ZBTB47: variants seen among roughly 807,000 people sequenced by gnomAD.
The protein encoded by ZBTB47 is zinc finger and BTB domain-containing protein 47.
ZBTB47 carries 24 observed loss-of-function variants against 56.6 expected under a neutral mutation model. That is an observed-to-expected ratio of 0.42 (90% CI 0.31 to 0.60). The LOEUF is 0.60. ZBTB47 is among the 20% of genes least tolerant of loss of function. ZBTB47 has a pLI of 0.14. For missense variants in ZBTB47, 829 were observed against 1,032.6 expected (o/e 0.80, Z 2.70); for synonymous variants, 414 against 418.9 (o/e 0.99, Z 0.14).
Position 42,663,653 on chromosome 3 carries a change from GCTTGCCCTCATGTCCCCATCTC to G in ZBTB47, c.1738-136_1738-115del, listed in dbSNP as rs1710748253. 9.5e-7 allele frequency: 1 copy of G among 1,050,678 alleles called. No individual in the cohort carries two copies. Among genetic ancestry groups the G allele is most frequent in the African/African-American group, 1.6e-5 (1 of 62,370 alleles). The allele number at this position is 1,050,678 out of a possible 1,614,324, so 65.1% of individuals were successfully genotyped here. On this transcript the variant is annotated intron_variant, in intron 4 of 5. Transcript: ENST00000232974. This position sits in a 1 kb window ranked among gnomAD's most constrained non-coding sequence, Gnocchi z 5.1. ...GTACTGCCCACCCAGATGCACCTCG[GCTTGCCCTCATGTCCCCATCTC>G]CTTGCCCAGGAGCCCCTGAGTGTGT... is the stretch of plus-strand genomic sequence containing the variant.
At position 42,665,508 on chromosome 3, in the gene ZBTB47, G is replaced by A. The variant is rs567366002; in HGVS notation, c.*910G>A. The stretch of plus-strand genomic sequence containing the variant: ...TCAAGGTGCTATTAGTGGGGCAGGG[G>A]CAGGGCGGCTGCTCACAGAGCACCC... On this transcript the variant is annotated 3_prime_UTR_variant, in exon 6 of 6. Transcript: ENST00000232974. 2.0e-5 allele frequency: 3 copies of A among 152,834 alleles called. No homozygotes were observed. Among genetic ancestry groups the A allele is most frequent in the African/African-American group, 4.8e-5 (2 of 41,430 alleles). The allele number at this position is 152,834 out of a possible 1,614,324, so 9.5% of individuals were successfully genotyped here.
Position 42,664,350 on chromosome 3 carries a change from G to A in ZBTB47, c.1996G>A (p.Gly666Ser), listed in dbSNP as rs1442057181. Reference protein sequence around the residue: ...GEKPYPCDVCGQRFRFSNMLK... With the variant: ...GEKPYPCDVCSQRFRFSNMLK... ...GAAGCCGTACCCGTGCGACGTGTGT[G>A]GCCAGCGCTTCCGCTTCTCCAACAT... The change falls in exon 6 of 6, where the codon GGC becomes AGC. Residue 666 changes from glycine (G) to serine (S), a missense_variant. Physicochemically the swap from Gly to Ser is moderately conservative, Grantham distance 56 (BLOSUM62 0). Transcript: ENST00000232974. The A allele has an allele frequency of 6.8e-6, 11 of 1,612,418 alleles. No individual in the cohort carries two copies. Among genetic ancestry groups the A allele is most frequent in the Non-Finnish European group, 9.3e-6 (11 of 1,179,450 alleles).
At chr3:42,655,357 G>A (rs1710628864) in intron 1 of ZBTB47, among the ~76,000 whole-genome samples, 1 of 152,144 alleles carries the variant, frequency 6.6e-6, no homozygotes, top group African/African-American at 2.4e-5. Context: ...GTTTCATCAT[G>A]GGGCCTTCCA....
At chr3:42,660,588 C>T (rs1335401838) in intron 2 of ZBTB47, among the ~76,000 whole-genome samples, 2 of 152,176 alleles carry the variant, frequency 1.3e-5, no homozygotes, top group Non-Finnish European at 2.9e-5. Flanking sequence ...GGGTGGTTTT[C>T]ACCTCTTCTG....
Position 42,665,419 on chromosome 3 carries a change from G to A in ZBTB47, c.*821G>A, listed in dbSNP as rs555708472. 6.5e-6 allele frequency: 1 copy of A among 152,906 alleles called. No homozygotes were observed. Among genetic ancestry groups the A allele is most frequent in the Admixed American group, 6.5e-5 (1 of 15,292 alleles). The allele number at this position is 152,906 out of a possible 1,614,324, so 9.5% of individuals were successfully genotyped here. On this transcript the variant is annotated 3_prime_UTR_variant, in exon 6 of 6. Coordinates refer to ENST00000232974, the MANE Select transcript of ZBTB47 (RefSeq NM_145166.4). ...CAGACCCTCCTTGGGCAGACAGGCT[G>A]ACTGGCAGCACCAGCTTTGGGGGCA...
chr3:42,667,354 C>T lies in ZBTB47; in HGVS notation c.*2756C>T, dbSNP rs541918442. On this transcript the variant is annotated 3_prime_UTR_variant, in exon 6 of 6. Transcript: ENST00000232974. ...CGATGGGTGGCTAGAGTGATGAACT[C>T]AAGCCCTGTGGCCACAGTTCTGGGA... 3.8e-4 allele frequency among the ~76,000 whole-genome samples: 58 copies of T among 152,354 alleles called. No individual in the cohort carries two copies. Among genetic ancestry groups the T allele is most frequent in the South Asian group, 3.3e-3 (16 of 4,828 alleles).
chr3:42,654,795 AT>A lies in ZBTB47; in HGVS notation c.-82+913del. On this transcript the variant is annotated intron_variant, in intron 1 of 5. Coordinates refer to ENST00000232974, the MANE Select transcript of ZBTB47 (RefSeq NM_145166.4). This position sits in a 1 kb window ranked among gnomAD's most constrained non-coding sequence, Gnocchi z 5.0. The stretch of plus-strand genomic sequence containing the variant: ...GGGCCCGGGTGGAGGGGCTGGAGGG[AT>A]CTTCCCCCCTCCCCCGGTCTCCCGG... 4.1e-6 allele frequency: 3 copies of A among 736,592 alleles called. No homozygotes were observed. The highest frequency in any genetic ancestry group is 5.0e-6 in the Non-Finnish European group (3 of 603,274). The allele number at this position is 736,592 out of a possible 1,614,324, so 45.6% of individuals were successfully genotyped here. A position where few individuals can be genotyped will look rare whatever the true frequency, so the allele number is the denominator to read the frequency against.
intron 1 of ZBTB47, among the ~76,000 whole-genome samples, chr3:42,657,863 C>T (rs920082015): frequency 2.6e-5 from 4 of 152,148 alleles, no homozygotes; most frequent in South Asian, 2.1e-4. Flanking sequence ...CACCTGGTCC[C>T]GGTGTGCCTG....
chr3:42,664,586 C>A lies in ZBTB47; in HGVS notation c.2232C>A (p.Asn744Lys). 1 of 1,372,862 alleles carries A rather than the reference C, an allele frequency of 7.3e-7. No individual in the cohort carries two copies. The highest frequency in any genetic ancestry group is 9.3e-7 in the Non-Finnish European group (1 of 1,072,228). 85.0% of individuals were successfully genotyped at this position (1,372,862 alleles called of 1,614,324 possible). A position where few individuals can be genotyped will look rare whatever the true frequency, so the allele number is the denominator to read the frequency against. The change falls in exon 6 of 6, where the codon AAC (asparagine) becomes AAA (lysine). Residue 744 changes from asparagine to lysine, a missense_variant. Physicochemically the swap from Asn to Lys is moderately conservative, Grantham distance 94 (BLOSUM62 0). Transcript: ENST00000232974. Reference sequence around the variant, plus strand: ...CTGCCAGCCCCGGCGGGAGGATGAACGCCAACAACTAGCTGCCGAGCTGCA... The same window carrying A: ...CTGCCAGCCCCGGCGGGAGGATGAAAGCCAACAACTAGCTGCCGAGCTGCA... ...PTTASPGGRMNANN is the reference protein window; with the variant it reads ...PTTASPGGRMKANN
intron 2 of ZBTB47, 134 bp downstream of exon 2, chr3:42,659,962 C>A: frequency 7.8e-7 from 1 of 1,287,174 alleles, no homozygotes; most frequent in Non-Finnish European, 1.0e-6. Flanking sequence ...AGCCCCCAGA[C>A]AGGCTGGCCC....
In ZBTB47 at chr3:42,665,767, G is replaced by A. The variant is rs1170902448; in HGVS notation, c.*1169G>A. 1 of 152,726 alleles carries A rather than the reference G, an allele frequency of 6.5e-6. No homozygotes were observed. Among genetic ancestry groups the A allele is most frequent in the African/African-American group, 2.4e-5 (1 of 41,466 alleles). 9.5% of individuals were successfully genotyped at this position (152,726 alleles called of 1,614,324 possible). A position where few individuals can be genotyped will look rare whatever the true frequency, so the allele number is the denominator to read the frequency against. On this transcript the variant is annotated 3_prime_UTR_variant, in exon 6 of 6. Transcript: ENST00000232974. ...AGCCTGCATGTTCAGGCCCCTCGGGGGATTGGGGGGACTGGGGAGGCGCAG... is the reference window on the plus strand; with the variant it reads ...AGCCTGCATGTTCAGGCCCCTCGGGAGATTGGGGGGACTGGGGAGGCGCAG...
chr3:42,653,183 T>C (rs1283622539), upstream of ZBTB47, among the ~76,000 whole-genome samples: 4 of 152,054 alleles, frequency 2.6e-5, no homozygotes, highest in East Asian at 7.7e-4. Flanking sequence ...AGGAGGCCCT[T>C]GCAATCTTAC....
rs1710800556 is a variant in ZBTB47 at position 42,667,229 on chromosome 3, C to G, written c.*2631C>G. Among the ~76,000 whole-genome samples the G allele has an allele frequency of 6.6e-6, 1 of 152,342 alleles. No homozygotes were observed. The highest frequency in any genetic ancestry group is 6.5e-5 in the Admixed American group (1 of 15,312). On this transcript the variant is annotated 3_prime_UTR_variant, in exon 6 of 6. Transcript: ENST00000232974. Reference sequence around the variant, plus strand: ...AGGAGATCTGTGGGGGTCCCACCGTCCATCTGGACTTCTCAGCCTGTTTGG... The same window carrying G: ...AGGAGATCTGTGGGGGTCCCACCGTGCATCTGGACTTCTCAGCCTGTTTGG...
chr3:42,662,888 G>A (rs1469175083), intron 3 of ZBTB47, 124 bp from the exon 4 acceptor site: 3 of 680,814 alleles, frequency 4.4e-6, no homozygotes, highest in Non-Finnish European at 8.0e-6. Flanking sequence ...CTGGGACAGA[G>A]TATAAGGCCA....
At position 42,663,512 on chromosome 3, in the gene ZBTB47, T is replaced by C. The variant is rs1304359847; in HGVS notation, c.1738-285T>C. Among the ~76,000 whole-genome samples the C allele has an allele frequency of 1.3e-5, 2 of 151,960 alleles. No homozygotes were observed. Among genetic ancestry groups the C allele is most frequent in the Admixed American group, 1.3e-4 (2 of 15,276 alleles). On this transcript the variant is annotated intron_variant, in intron 4 of 5. Coordinates refer to ENST00000232974, the MANE Select transcript of ZBTB47 (RefSeq NM_145166.4). This position sits in a 1 kb window ranked among gnomAD's most constrained non-coding sequence, Gnocchi z 5.1. The stretch of plus-strand genomic sequence containing the variant: ...CTGGGCGTCTGATCAGGAGGAAGGA[T>C]GAGGGACCTCGTGCCTTAAGCATGG...
chr3:42,663,162 G>C lies in ZBTB47; in HGVS notation c.1737+35G>C. The C allele has an allele frequency of 6.6e-7, 1 of 1,518,478 alleles. No individual in the cohort carries two copies. The highest frequency in any genetic ancestry group is 9.1e-7 in the Non-Finnish European group (1 of 1,093,602). 94.1% of individuals were successfully genotyped at this position (1,518,478 alleles called of 1,614,324 possible). On this transcript the variant is annotated intron_variant, in intron 4 of 5. Transcript: ENST00000232974. This position sits in a 1 kb window ranked among gnomAD's most constrained non-coding sequence, Gnocchi z 5.1. ...CATCTCCTGCCTGGCCTGCCCGAGG[G>C]GTCACCTGGGAGGGGCAGGAATCAG...
rs545751086 is a variant in ZBTB47 at position 42,664,553 on chromosome 3, C to G, written c.2199C>G (p.Phe733Leu). 173 of 1,262,164 alleles carry G rather than the reference C, an allele frequency of 1.4e-4. 1 individual carries two copies. In the East Asian group the frequency reaches 6.8e-3, roughly 50 times the overall value. The allele number at this position is 1,262,164 out of a possible 1,614,324, so 78.2% of individuals were successfully genotyped here. The change falls in exon 6 of 6, where the codon TTC (phenylalanine) becomes TTG (leucine). Residue 733 changes from phenylalanine (F) to leucine (L), a missense_variant. Phe to Leu is a conservative substitution (Grantham distance 22). Around this residue, in one of 6 missense-constraint regions of ZBTB47, gnomAD observed 115 missense variants for 117.2 expected, o/e 0.98. Transcript: ENST00000232974. ...PPHLPPPPPLFPTTASPGGRM... is the reference protein window; with the variant it reads ...PPHLPPPPPLLPTTASPGGRM... ...ACCTGCCGCCCCCGCCTCCGCTCTT[C>G]CCCACCACTGCCAGCCCCGGCGGGA...
Position 42,658,748 on chromosome 3 carries a change from C to G in ZBTB47, c.393C>G (p.Cys131Trp), listed in dbSNP as rs1710669852. 1 of 1,532,186 alleles carries G rather than the reference C, an allele frequency of 6.5e-7. No homozygotes were observed. Among genetic ancestry groups the G allele is most frequent in the Non-Finnish European group, 8.7e-7 (1 of 1,144,514 alleles). 94.9% of individuals were successfully genotyped at this position (1,532,186 alleles called of 1,614,324 possible). Residue 131 changes from cysteine to tryptophan, a missense_variant, in exon 2 of 6, where the codon TGC (cysteine) becomes TGG (tryptophan). Coordinates refer to ENST00000232974, the MANE Select transcript of ZBTB47 (RefSeq NM_145166.4). Reference sequence around the variant, plus strand: ...CCCTGGCCCAGCCGGCTGCCAGCTGCACTCCAGCTGCGCCGCCCTACTACT... The same window carrying G: ...CCCTGGCCCAGCCGGCTGCCAGCTGGACTCCAGCTGCGCCGCCCTACTACT... ...TVALAQPAAS[C>W]TPAAPPYYCD...
In ZBTB47 at chr3:42,664,430, C is replaced by T. The variant is rs766342611; in HGVS notation, c.2076C>T (p.Asp692=). The change falls in exon 6 of 6, where the codon GAC becomes GAT. Residue 692 remains aspartate (D), a synonymous_variant. Coordinates refer to ENST00000232974, the MANE Select transcript of ZBTB47 (RefSeq NM_145166.4). ...CFRVSHTLAG[D]GVPAAPGLPP... is the part of the protein sequence containing the mutation. ...GCGTCAGCCACACCCTGGCCGGCGACGGCGTCCCCGCTGCCCCAGGCCTGC... is the reference window on the plus strand; with the variant it reads ...GCGTCAGCCACACCCTGGCCGGCGATGGCGTCCCCGCTGCCCCAGGCCTGC... 1.9e-5 allele frequency: 29 copies of T among 1,540,954 alleles called. No individual in the cohort carries two copies. The South Asian group carries it at 2.3e-4, about 12-fold the overall frequency.
Sources: allele counts gnomAD v4.1 joint callset (sites outside exome capture counted in the v4.1 genomes callset), GRCh38; gene constraint gnomAD v4.1.1; regional missense constraint gnomAD v4.1.1; non-coding constraint Gnocchi (gnomAD v3.1); transcripts MANE v1.5; gene names NCBI Gene and HGNC (gene_info 2026-07-23, HGNC 2026-07-21).